DLG2: variants seen among roughly 807,000 people sequenced by gnomAD.
DLG2 encodes disks large homolog 2.
DLG2 carries 45 observed loss-of-function variants against 132.5 expected under a neutral mutation model. That is an observed-to-expected ratio of 0.34 (90% CI 0.27 to 0.44). The LOEUF (loss-of-function observed/expected upper bound fraction) is 0.44. DLG2 is among the 20% of genes least tolerant of loss of function. The pLI is 1.00. For synonymous variants in DLG2, 424 were observed against 419.6 expected (o/e 1.01, Z -0.13); for missense variants, 1,045 against 1,196.9 (o/e 0.87, Z 1.87).
intron 18 of DLG2, among the ~76,000 whole-genome samples, chr11:83,742,847 T>C (rs997836130): frequency 6.6e-6 from 1 of 152,174 alleles, no homozygotes; most frequent in Admixed American, 6.5e-5. Context: ...GACCATAAAA[T>C]TCATTCAATT....
chr11:84,575,954 G>T lies in DLG2; in HGVS notation c.358-41223C>A, dbSNP rs180812115. ...ACTCTAATCTAACTAGAATCTCAGAGGTAGAGCAAGACATGTTCCTTGCCT... is the reference window on the plus strand; with the variant it reads ...ACTCTAATCTAACTAGAATCTCAGATGTAGAGCAAGACATGTTCCTTGCCT... On this transcript the variant is annotated intron_variant, in intron 6 of 27. Coordinates refer to ENST00000376104, the MANE Select transcript of DLG2 (RefSeq NM_001142699.3). 1.5e-3 allele frequency among the ~76,000 whole-genome samples: 232 copies of T among 152,288 alleles called. 2 individuals are homozygous for T. Among genetic ancestry groups the T allele is most frequent in the African/African-American group, 5.4e-3 (223 of 41,560 alleles).
At chr11:83,938,136 C>G (rs10792698) in intron 14 of DLG2, among the ~76,000 whole-genome samples, 93,225 of 152,104 alleles carry the variant, frequency 0.61, 30,599 homozygotes, top group Non-Finnish European at 0.75. Flanking sequence ...ATTGTTTAAC[C>G]ATTAAAGTTA....
At chr11:84,290,305 C>T (rs184372745) in intron 7 of DLG2, among the ~76,000 whole-genome samples, 1 of 152,182 alleles carries the variant, frequency 6.6e-6, no homozygotes, top group African/African-American at 2.4e-5. Context: ...CTTCACTTTA[C>T]ATGTTTTTCC....
intron 5 of DLG2, among the ~76,000 whole-genome samples, chr11:85,126,887 A>T (rs2075177301): frequency 6.6e-6 from 1 of 152,184 alleles, no homozygotes; most frequent in Admixed American, 6.6e-5. Flanking sequence ...ATGGATGAGA[A>T]AACTGCAGTG....
chr11:83,553,469 T>C (rs566922054), intron 19 of DLG2, among the ~76,000 whole-genome samples: 1 of 144,200 alleles, frequency 6.9e-6, no homozygotes, highest in South Asian at 2.2e-4. Context: ...TGGCACAAAG[T>C]AAGAAGTAAG....
chr11:85,144,072 C>T (rs190601031), intron 5 of DLG2, among the ~76,000 whole-genome samples: 164 of 151,790 alleles, frequency 1.1e-3, no homozygotes, highest in African/African-American at 3.8e-3. Context: ...TTCTCTTTAG[C>T]CTTAATAATA....
At chr11:85,135,316 T>C (rs1016476084) in intron 5 of DLG2, among the ~76,000 whole-genome samples, 1 of 152,180 alleles carries the variant, frequency 6.6e-6, no homozygotes, top group African/African-American at 2.4e-5. Context: ...AAAGACCACG[T>C]CCCTTAATTC....
chr11:84,065,456 T>C (rs1425027367), intron 10 of DLG2, among the ~76,000 whole-genome samples: 1 of 152,138 alleles, frequency 6.6e-6, no homozygotes, highest in African/African-American at 2.4e-5. Context: ...CCAGCAAGCA[T>C]ATGAAAAAAT....
chr11:85,297,413 T>G (rs1001547103), intron 3 of DLG2, among the ~76,000 whole-genome samples: 2 of 152,184 alleles, frequency 1.3e-5, no homozygotes, highest in Admixed American at 1.3e-4. Flanking sequence ...TAATGTTGTA[T>G]GATAATCTTG....
chr11:85,004,140 T>C (rs2154132038), intron 6 of DLG2, among the ~76,000 whole-genome samples: 1 of 152,332 alleles, frequency 6.6e-6, no homozygotes, highest in African/African-American at 2.4e-5. Flanking sequence ...TTTGGGTTGG[T>C]TCCAAGTCTT....
intron 7 of DLG2, among the ~76,000 whole-genome samples, chr11:84,355,473 A>C (rs1393644922): frequency 6.6e-6 from 1 of 152,036 alleles, no homozygotes; most frequent in African/African-American, 2.4e-5. Flanking sequence ...CTGCCAAGTG[A>C]AGACACAGCA....
At chr11:85,297,353 T>C (rs1174440792) in intron 3 of DLG2, among the ~76,000 whole-genome samples, 4 of 152,178 alleles carry the variant, frequency 2.6e-5, no homozygotes, top group African/African-American at 9.7e-5. Context: ...TCCGATCAAC[T>C]GCAGTCCCCA....
intron 3 of DLG2, among the ~76,000 whole-genome samples, chr11:85,510,386 A>C (rs1019157425): frequency 6.6e-6 from 1 of 152,142 alleles, no homozygotes; most frequent in South Asian, 2.1e-4. Context: ...TAATTAAACT[A>C]AAGAGCTTCT....
At chr11:83,827,456 A>G (rs2053197728) in intron 17 of DLG2, among the ~76,000 whole-genome samples, 1 of 152,160 alleles carries the variant, frequency 6.6e-6, no homozygotes, top group Admixed American at 6.5e-5. Flanking sequence ...TAAATCAACA[A>G]TGCAATTTAA....
At chr11:85,461,208 G>T (rs185198439) in intron 3 of DLG2, among the ~76,000 whole-genome samples, 1 of 152,198 alleles carries the variant, frequency 6.6e-6, no homozygotes, top group Non-Finnish European at 1.5e-5. Context: ...CCTACTTATT[G>T]TAAAACACTC....
chr11:83,924,870 A>G (rs1056893877), intron 15 of DLG2, among the ~76,000 whole-genome samples: 2 of 152,146 alleles, frequency 1.3e-5, no homozygotes, highest in Non-Finnish European at 2.9e-5. Context: ...GTTAGAAGTT[A>G]GACCTATGAG....
At chr11:84,280,233 AT>A (rs2097839939) in intron 7 of DLG2, among the ~76,000 whole-genome samples, 1 of 152,234 alleles carries the variant, frequency 6.6e-6, no homozygotes, top group African/African-American at 2.4e-5. Context: ...CAATAAATTC[AT>A]AGAAATTAAA....
intron 10 of DLG2, among the ~76,000 whole-genome samples, chr11:84,090,400 G>C (rs1364762875): frequency 8.8e-6 from 1 of 114,036 alleles, no homozygotes; most frequent in Non-Finnish European, 1.7e-5. Flanking sequence ...GGTGACAAGA[G>C]TGAGATTTCA....
chr11:84,075,135 A>ATCT (rs2154148496), intron 10 of DLG2, among the ~76,000 whole-genome samples: 1 of 152,220 alleles, frequency 6.6e-6, no homozygotes, highest in African/African-American at 2.4e-5. Context: ...TGTCATTAAG[A>ATCT]TCTTACCTTA....
Sources: gnomAD v4.1 joint callset for allele counts (sites outside exome capture counted in the v4.1 genomes callset) on GRCh38, gnomAD v4.1.1 for gene constraint, MANE v1.5 for transcripts, NCBI Gene and HGNC (gene_info 2026-07-23, HGNC 2026-07-21) for gene names.